The following BTBD18 variants were observed in gnomAD, a reference collection of about 807,000 sequenced individuals.
The protein encoded by BTBD18 is BTB/POZ domain-containing protein 18.
For missense variants in BTBD18, 787 were observed against 846.3 expected, an observed-to-expected ratio of 0.93 and a Z score of 0.87; for synonymous variants, 311 against 324.4, an observed-to-expected ratio of 0.96 and a Z score of 0.44.
Position 57,745,591 on chromosome 11 carries a change from T to A in BTBD18, c.682A>T (p.Ser228Cys). 6.4e-7 allele frequency: 1 copy of A among 1,551,600 alleles called. No individual in the cohort carries two copies. The highest frequency in any genetic ancestry group is 1.4e-5 in the African/African-American group (1 of 73,170). Residue 228 changes from serine to cysteine, a missense_variant, in exon 3 of 3, where the codon AGT (serine) becomes TGT (cysteine). By Grantham distance (112) the Ser-to-Cys change is moderately radical (BLOSUM62 -1). Transcript: ENST00000422652. ...QEKNSSPSSH[S>C]QEPRENKNDT... ...TTCTTGTTCTCTCTAGGCTCTTGAC[T>A]ATGGCTTGATGGTGAAGAGTTTTTT...
At chr11:57,752,824 G>A (rs537917837), upstream of BTBD18, among the ~76,000 whole-genome samples, 1 of 152,362 alleles carries the variant, frequency 6.6e-6, no homozygotes, top group Admixed American at 6.5e-5. Flanking sequence ...AATCGGTGTT[G>A]GCGGAGAAAG....
Position 57,745,802 on chromosome 11 carries a change from C to T in BTBD18, c.471G>A (p.Val157=), listed in dbSNP as rs536851326. ...GGGTGTGAGGGTGGTGGCTGGGTGT[C>T]ACCACTCTGGCAGAGATTGGTGCAG... ...TSAAPISARV[V]TPSHHPHTPL... Residue 157 remains valine, a synonymous_variant, in exon 3 of 3, where the codon GTG becomes GTA. Transcript: ENST00000422652. 1.1e-5 allele frequency: 17 copies of T among 1,551,522 alleles called. No individual in the cohort carries two copies. In the South Asian group the frequency reaches 1.9e-4, roughly 17 times the overall value.
intron 2 of BTBD18, among the ~76,000 whole-genome samples, chr11:57,750,291 C>T (rs996654026): frequency 2.0e-5 from 3 of 152,156 alleles, no homozygotes; most frequent in Admixed American, 1.3e-4. Flanking sequence ...GCGGCAGAAT[C>T]GCTTGAACGC....
Position 57,745,211 on chromosome 11 carries a change from C to T in BTBD18, c.1062G>A (p.Gln354=), listed in dbSNP as rs1279311875. ...APNSDSAEEG[Q]VGRVKLRKIV... ...TCTTCCTAAGTTTAACTCTCCCAAC[C>T]TGCCCCTCCTCTGCAGAGTCTGAGT... Residue 354 remains glutamine, a synonymous_variant, in exon 3 of 3, where the codon CAG becomes CAA. Coordinates refer to ENST00000422652, the MANE Select transcript of BTBD18 (RefSeq NM_001145101.3). 1.9e-6 allele frequency: 3 copies of T among 1,551,718 alleles called. No individual in the cohort carries two copies.
chr11:57,752,818 G>C (rs969505153), upstream of BTBD18, among the ~76,000 whole-genome samples: 13 of 152,226 alleles, frequency 8.5e-5, no homozygotes, highest in African/African-American at 3.1e-4. Flanking sequence ...CAAGGGAATC[G>C]GTGTTGGCGG....
Position 57,744,247 on chromosome 11 carries a change from C to G in BTBD18, c.2026G>C (p.Glu676Gln). 1 of 1,551,732 alleles carries G rather than the reference C, an allele frequency of 6.4e-7. No homozygotes were observed. The highest frequency in any genetic ancestry group is 1.4e-5 in the African/African-American group (1 of 73,172). ...GSLPASSEEE[E>Q]IDVVDWTAEG... Reference sequence around the variant, plus strand: ...GCTGTCCAGTCCACCACATCAATCTCTTCCTCTTCAGAGCTGGCAGGAAGT... The same window carrying G: ...GCTGTCCAGTCCACCACATCAATCTGTTCCTCTTCAGAGCTGGCAGGAAGT... The change falls in exon 3 of 3, where the codon GAG becomes CAG. Residue 676 changes from glutamate to glutamine, a missense_variant. By Grantham distance (29) the Glu-to-Gln change is conservative. Transcript: ENST00000422652.
chr11:57,748,104 T>C (rs1046034082), intron 2 of BTBD18, among the ~76,000 whole-genome samples: 1 of 152,206 alleles, frequency 6.6e-6, no homozygotes, highest in Non-Finnish European at 1.5e-5. Context: ...TTTTATTTTT[T>C]AGAGACAAGG....
In BTBD18 at chr11:57,746,025, A is replaced by T. The variant is rs758663075; in HGVS notation, c.248T>A (p.Ile83Asn). 6.4e-7 allele frequency: 1 copy of T among 1,551,482 alleles called. No homozygotes were observed. Among genetic ancestry groups the T allele is most frequent in the African/African-American group, 1.4e-5 (1 of 73,008 alleles). The change falls in exon 3 of 3, where the codon ATC becomes AAC. Residue 83 changes from isoleucine to asparagine, a missense_variant. Physicochemically the swap from Ile to Asn is moderately radical, Grantham distance 149. Coordinates refer to ENST00000422652, the MANE Select transcript of BTBD18 (RefSeq NM_001145101.3). Reference sequence around the variant, plus strand: ...GTCCACCAGCTTCCTAAGTGTGCTGATCTTCAGGCCACCCAGCTCTAGCAC... The same window carrying T: ...GTCCACCAGCTTCCTAAGTGTGCTGTTCTTCAGGCCACCCAGCTCTAGCAC... ...KVVLELGGLKISTLRKLVDFL... is the reference protein window; with the variant it reads ...KVVLELGGLKNSTLRKLVDFL...
At chr11:57,750,376 C>CAAAAAAAAAA (rs1949282995) in intron 2 of BTBD18, among the ~76,000 whole-genome samples, 1 of 150,404 alleles carries the variant, frequency 6.6e-6, no homozygotes, top group Non-Finnish European at 1.5e-5. Context: ...GACTCTGTCT[C>CAAAAAAAAAA]AAAAACAAAA....
chr11:57,751,060 C>T lies in BTBD18; in HGVS notation c.124+5G>A. ...TTTTCAGTTGAATTCCGACCACTCT[C>T]TTACCTTCTGCCTGCAGAAGGACAT... On this transcript the variant is annotated splice_donor_5th_base_variant and intron_variant, in intron 2 of 2. Transcript: ENST00000422652. The T allele has an allele frequency of 6.5e-7, 1 of 1,529,082 alleles. No individual in the cohort carries two copies. Among genetic ancestry groups the T allele is most frequent in the Non-Finnish European group, 8.8e-7 (1 of 1,138,906 alleles). The allele number at this position is 1,529,082 out of a possible 1,614,324, so 94.7% of individuals were successfully genotyped here. A position where few individuals can be genotyped will look rare whatever the true frequency, so the allele number is the denominator to read the frequency against.
At chr11:57,752,260 C>T (rs141066420), upstream of BTBD18, among the ~76,000 whole-genome samples, 3,760 of 152,230 alleles carry the variant, frequency 0.025, 164 homozygotes, top group African/African-American at 0.086. Flanking sequence ...CTTGGCTGGG[C>T]GGGGTGGCTC....
chr11:57,746,287 C>A (rs1013586800), intron 2 of BTBD18, 139 bp from the exon 3 acceptor site: 8 of 671,618 alleles, frequency 1.2e-5, no homozygotes, highest in South Asian at 5.2e-5. Context: ...AAAAATTATT[C>A]TTCTGCCTGC....
Position 57,744,550 on chromosome 11 carries a change from G to A in BTBD18, c.1723C>T (p.Leu575Phe), listed in dbSNP as rs1232936205. Residue 575 changes from leucine to phenylalanine, a missense_variant, in exon 3 of 3, where the codon CTT becomes TTT. Transcript: ENST00000422652. ...TCACTCACCTCAGAGGGCATGACAA[G>A]GGGGCTAAGGAGCTCAGTTGGCCCT... is the stretch of plus-strand genomic sequence containing the variant. ...NRGPTELLSP[L>F]VMPSEVSEVL... 1.3e-6 allele frequency: 2 copies of A among 1,551,530 alleles called. No homozygotes were observed. Among genetic ancestry groups the A allele is most frequent in the African/African-American group, 1.4e-5 (1 of 73,034 alleles).
intron 2 of BTBD18, 31 bp downstream of exon 2, chr11:57,751,034 G>A (rs1949295865): frequency 8.0e-6 from 12 of 1,501,584 alleles, no homozygotes; most frequent in Admixed American, 2.5e-5. Context: ...TCTATGGTGA[G>A]TTTTCAGTTG....
chr11:57,749,575 C>G (rs1949259702), intron 2 of BTBD18, among the ~76,000 whole-genome samples: 1 of 151,602 alleles, frequency 6.6e-6, no homozygotes, highest in Admixed American at 6.6e-5. Flanking sequence ...ATGGTGAAAC[C>G]CGGTCTCTAC....
In BTBD18 at chr11:57,744,343, T is replaced by C; in HGVS notation, c.1930A>G (p.Thr644Ala). The C allele has an allele frequency of 6.4e-7, 1 of 1,551,600 alleles. No individual in the cohort carries two copies. Among genetic ancestry groups the C allele is most frequent in the South Asian group, 1.2e-5 (1 of 84,058 alleles). Residue 644 changes from threonine (T) to alanine (A), a missense_variant, in exon 3 of 3, where the codon ACA (threonine) becomes GCA (alanine). By Grantham distance (58) the Thr-to-Ala change is moderately conservative. Coordinates refer to ENST00000422652, the MANE Select transcript of BTBD18 (RefSeq NM_001145101.3). ...GGAGAAGGGTATAATAACTCATCTG[T>C]AGTCAAGGAGACTTCCAGCCCAGTC... ...VETGLEVSLT[T>A]DELLYPSPKA...
upstream of BTBD18, among the ~76,000 whole-genome samples, chr11:57,752,090 C>G (rs185136312): frequency 2.6e-4 from 40 of 152,308 alleles, 1 homozygote; most frequent in Admixed American, 2.4e-3. Context: ...TGACTTCAGG[C>G]TTATGTCCAG....
chr11:57,745,809 C>G lies in BTBD18; in HGVS notation c.464G>C (p.Arg155Thr). 1.3e-6 allele frequency: 2 copies of G among 1,551,606 alleles called. No homozygotes were observed. Among genetic ancestry groups the G allele is most frequent in the Non-Finnish European group, 1.7e-6 (2 of 1,146,984 alleles). The part of the protein sequence containing the change: ...QPTSAAPISA[R>T]VVTPSHHPHT... Reference sequence around the variant, plus strand: ...AGGGTGGTGGCTGGGTGTCACCACTCTGGCAGAGATTGGTGCAGCACTTGT... The same window carrying G: ...AGGGTGGTGGCTGGGTGTCACCACTGTGGCAGAGATTGGTGCAGCACTTGT... Residue 155 changes from arginine (R) to threonine (T), a missense_variant, in exon 3 of 3, where the codon AGA becomes ACA. By Grantham distance (71) the Arg-to-Thr change is moderately conservative. Coordinates refer to ENST00000422652, the MANE Select transcript of BTBD18 (RefSeq NM_001145101.3).
intron 2 of BTBD18, among the ~76,000 whole-genome samples, chr11:57,750,270 G>A (rs1273432935): frequency 1.3e-5 from 2 of 152,124 alleles, no homozygotes; most frequent in African/African-American, 2.4e-5. Flanking sequence ...CCAGCTACTC[G>A]GGAGGCTGAG....
Sources: allele counts gnomAD v4.1 joint callset (sites outside exome capture counted in the v4.1 genomes callset), GRCh38; gene constraint gnomAD v4.1.1; transcripts MANE v1.5; gene names NCBI Gene and HGNC (gene_info 2026-07-23, HGNC 2026-07-21).